The following GALNT13 variants were observed in gnomAD, a reference collection of about 807,000 sequenced individuals.
GALNT13 encodes polypeptide N-acetylgalactosaminyltransferase 13.
Under a neutral mutation model 64.2 loss-of-function variants are expected in GALNT13, and 28 were observed. The observed-to-expected ratio is 0.44, with a 90% CI of 0.32 to 0.60. The LOEUF is 0.60. Among genes scored for constraint, GALNT13 ranks in the 20% least tolerant of loss-of-function variants. GALNT13 has a pLI of 0.05. For missense variants in GALNT13, 577 were observed against 669.8 expected (o/e 0.86, Z 1.53); for synonymous variants, 214 against 224.6 (o/e 0.95, Z 0.42).
At chr2:154,025,387 T>G (rs1697879466) in intron 3 of GALNT13, among the ~76,000 whole-genome samples, 1 of 152,230 alleles carries the variant, frequency 6.6e-6, no homozygotes, top group Admixed American at 6.5e-5. Flanking sequence ...TAGCTTTCAC[T>G]AATGTTTTAG....
At chr2:153,832,964 C>T in the GALNT13 span, among the ~76,000 whole-genome samples, 1 of 152,172 alleles carries the variant, frequency 6.6e-6, no homozygotes, top group Non-Finnish European at 1.5e-5. Context: ...CTTCAATTGC[C>T]TGTGGTCAAG....
chr2:154,409,691 A>T (rs899445135), intron 11 of GALNT13, among the ~76,000 whole-genome samples: 1 of 151,864 alleles, frequency 6.6e-6, no homozygotes, highest in Non-Finnish European at 1.5e-5. Flanking sequence ...CCACTTTGAG[A>T]GGTAGAATTT....
the GALNT13 span, among the ~76,000 whole-genome samples, chr2:153,410,091 C>G: frequency 1.3e-5 from 2 of 152,140 alleles, no homozygotes; most frequent in South Asian, 2.1e-4. Context: ...AATGAAAATG[C>G]TTTGTTGTTG....
chr2:153,651,698 C>T, the GALNT13 span, among the ~76,000 whole-genome samples: 50 of 152,094 alleles, frequency 3.3e-4, no homozygotes, highest in African/African-American at 1.2e-3. Context: ...ATTATTTTTC[C>T]TTATAGTAAC....
At chr2:153,070,718 G>A in the GALNT13 span, among the ~76,000 whole-genome samples, 2 of 152,118 alleles carry the variant, frequency 1.3e-5, no homozygotes, top group African/African-American at 4.8e-5. Context: ...GTACTAAGGA[G>A]CTCTTCTCTG....
At chr2:153,630,801 A>AT in the GALNT13 span, among the ~76,000 whole-genome samples, 2 of 17,246 alleles carry the variant, frequency 1.2e-4, no homozygotes, top group African/African-American at 3.9e-4. Context: ...ATATATATAT[A>AT]TATATATTTT....
At chr2:153,615,904 G>T in the GALNT13 span, among the ~76,000 whole-genome samples, 2 of 151,900 alleles carry the variant, frequency 1.3e-5, no homozygotes, top group Non-Finnish European at 2.9e-5. Context: ...CTACTTTGTT[G>T]TTTCCTTTGC....
At chr2:154,345,976 C>G (rs1696046478) in intron 9 of GALNT13, among the ~76,000 whole-genome samples, 1 of 151,950 alleles carries the variant, frequency 6.6e-6, no homozygotes, top group African/African-American at 2.4e-5. Flanking sequence ...CCATTTTAGC[C>G]TATAGTAACA....
At chr2:153,093,568 A>G in the GALNT13 span, among the ~76,000 whole-genome samples, 1 of 152,088 alleles carries the variant, frequency 6.6e-6, no homozygotes, top group Non-Finnish European at 1.5e-5. Flanking sequence ...GTATTGTTGA[A>G]TTCAGTTTGC....
the GALNT13 span, among the ~76,000 whole-genome samples, chr2:153,742,989 G>C: frequency 4.4e-4 from 53 of 120,278 alleles, no homozygotes; most frequent in East Asian, 2.3e-3. Flanking sequence ...GGAGAAGTGG[G>C]GGGGGAGAGA....
chr2:153,893,969 A>G (rs58688391), intron 1 of GALNT13, among the ~76,000 whole-genome samples: 13,281 of 152,092 alleles, frequency 0.087, 1,534 homozygotes, highest in East Asian at 0.62. Flanking sequence ...AAATTATGCC[A>G]TGCTTTATTG....
At chr2:154,088,146 A>G (rs1270574342) in intron 3 of GALNT13, among the ~76,000 whole-genome samples, 1 of 152,118 alleles carries the variant, frequency 6.6e-6, no homozygotes, top group Admixed American at 6.6e-5. Context: ...TGTCTCATAC[A>G]CTGTAATTCT....
chr2:153,196,677 G>A, the GALNT13 span, among the ~76,000 whole-genome samples: 1 of 152,054 alleles, frequency 6.6e-6, no homozygotes, highest in East Asian at 2.0e-4. Flanking sequence ...GGTTCTCACT[G>A]GGCACCTTTC....
intron 11 of GALNT13, among the ~76,000 whole-genome samples, chr2:154,410,519 A>G (rs982318315): frequency 5.9e-5 from 9 of 151,932 alleles, no homozygotes; most frequent in African/African-American, 2.2e-4. Flanking sequence ...TGCAATAGCC[A>G]TATCTGTTTT....
At chr2:153,110,807 T>G in the GALNT13 span, among the ~76,000 whole-genome samples, 1 of 152,172 alleles carries the variant, frequency 6.6e-6, no homozygotes, top group Non-Finnish European at 1.5e-5. Context: ...GAGCTATTTT[T>G]AGTAAGAAGG....
chr2:153,448,539 C>G, the GALNT13 span, among the ~76,000 whole-genome samples: 1 of 152,102 alleles, frequency 6.6e-6, no homozygotes, highest in Non-Finnish European at 1.5e-5. Context: ...ATCAAATCTG[C>G]CAGCATATAT....
chr2:154,435,275 TGTATC>T lies in GALNT13; in HGVS notation c.1396-3314_1396-3310del, dbSNP rs143367861. The stretch of plus-strand genomic sequence containing the variant: ...ATTTTATTAATGAATGAATCAATCT[TGTATC>T]GTGTAGTTATCAGTATATGTGATAG... On this transcript the variant is annotated intron_variant, in intron 11 of 12. Coordinates refer to ENST00000392825, the MANE Select transcript of GALNT13 (RefSeq NM_052917.4). Among the ~76,000 whole-genome samples the T allele has an allele frequency of 8.5e-3, 1,289 of 152,308 alleles. 15 individuals carry two copies. The highest frequency in any genetic ancestry group is 0.029 in the African/African-American group (1,223 of 41,558).
chr2:154,313,214 TACAC>T (rs527820324), intron 9 of GALNT13, among the ~76,000 whole-genome samples: 1 of 149,242 alleles, frequency 6.7e-6, no homozygotes, highest in African/African-American at 2.5e-5. Context: ...TGTGTATACA[TACAC>T]ACACACTATA....
the GALNT13 span, among the ~76,000 whole-genome samples, chr2:153,185,744 A>C: frequency 6.6e-6 from 1 of 152,172 alleles, no homozygotes; most frequent in Non-Finnish European, 1.5e-5. Context: ...CAGGTTGTTC[A>C]ATTTCCATAT....
Sources: allele counts gnomAD v4.1 joint callset (sites outside exome capture counted in the v4.1 genomes callset), GRCh38; gene constraint gnomAD v4.1.1; transcripts MANE v1.5; gene names NCBI Gene and HGNC (gene_info 2026-07-23, HGNC 2026-07-21).